Variants in HSD17B3 observed in about 807,000 individuals in gnomAD.
HSD17B3 encodes hydroxysteroid 17-beta dehydrogenase 3.
Under a neutral mutation model 41.1 loss-of-function variants are expected in HSD17B3, and 29 were observed. That is an observed-to-expected ratio of 0.71 (90% confidence interval 0.53 to 0.96). HSD17B3 has a LOEUF of 0.96. HSD17B3 is among the 40% of genes least tolerant of loss of function. The pLI is 0.00. For missense variants in HSD17B3, 323 were observed against 374.6 expected (o/e 0.86, Z 1.14); for synonymous variants, 126 against 145.6 (o/e 0.87, Z 0.97).
In HSD17B3 at chr9:96,252,928, GT is replaced by G. The variant is rs1386576741; in HGVS notation, c.278-19del. On this transcript the variant is annotated intron_variant, in intron 3 of 10. Transcript: ENST00000375263. ...AGTCCGCTCTACACGAGAGACAACA[GT>G]TTTTTTAATGAACAGGGATCCAAAT... is the stretch of plus-strand genomic sequence containing the variant. The G allele has an allele frequency of 3.3e-6, 5 of 1,516,578 alleles. No individual in the cohort carries two copies. Among genetic ancestry groups the G allele is most frequent in the African/African-American group, 1.4e-5 (1 of 72,922 alleles). The allele number at this position is 1,516,578 out of a possible 1,614,324, so 93.9% of individuals were successfully genotyped here.
intron 2 of HSD17B3, among the ~76,000 whole-genome samples, chr9:96,281,854 A>C (rs1414835604): frequency 6.6e-6 from 1 of 151,996 alleles, no homozygotes; most frequent in African/African-American, 2.4e-5. Flanking sequence ...CGCCTCCCCC[A>C]CCCTGCCTCA....
chr9:96,298,568 C>A, intron 1 of HSD17B3, 106 bp from the exon 2 acceptor site: 1 of 911,470 alleles, frequency 1.1e-6, no homozygotes, highest in South Asian at 1.3e-5. Flanking sequence ...AGTCAGTACT[C>A]CAAAGGTTCA....
chr9:96,284,939 A>T (rs1826856280), intron 2 of HSD17B3, among the ~76,000 whole-genome samples: 3 of 151,898 alleles, frequency 2.0e-5, no homozygotes, highest in Admixed American at 2.0e-4. Context: ...CCTCAGTTCA[A>T]GCAATTTTCC....
chr9:96,236,386 G>A (rs916197825), intron 10 of HSD17B3, among the ~76,000 whole-genome samples: 3 of 151,694 alleles, frequency 2.0e-5, no homozygotes, highest in Non-Finnish European at 2.9e-5. Context: ...ACATGGTGGC[G>A]CATGCCTGTA....
intron 5 of HSD17B3, 128 bp from the exon 6 acceptor site, chr9:96,249,914 C>A: frequency 2.5e-6 from 4 of 1,571,990 alleles, no homozygotes; most frequent in Admixed American, 1.8e-5. Flanking sequence ...ACTCACCCTG[C>A]AAATTAGGCT....
intron 2 of HSD17B3, among the ~76,000 whole-genome samples, chr9:96,270,199 ATC>A (rs1210772359): frequency 1.3e-5 from 2 of 151,914 alleles, no homozygotes; most frequent in African/African-American, 4.8e-5. Context: ...TTGTAACCAT[ATC>A]TATGCATTAC....
chr9:96,242,824 T>C (rs1230323396), intron 9 of HSD17B3, among the ~76,000 whole-genome samples: 1 of 152,332 alleles, frequency 6.6e-6, no homozygotes, highest in Non-Finnish European at 1.5e-5. Context: ...AGCAGGTGGC[T>C]GCGATGATCA....
intron 2 of HSD17B3, among the ~76,000 whole-genome samples, chr9:96,285,069 T>A (rs1826865062): frequency 6.6e-6 from 1 of 151,958 alleles, no homozygotes; most frequent in Admixed American, 6.6e-5. Context: ...GAGCTCCTCA[T>A]CTCAAGTGAT....
At position 96,290,456 on chromosome 9, in the gene HSD17B3, C is replaced by CCTTTTTT. The variant is rs747479797; in HGVS notation, c.201+7959_201+7960insAAAAAAG. Among the ~76,000 whole-genome samples the CCTTTTTT allele has an allele frequency of 8.9e-5, 7 of 78,418 alleles. 2 individuals carry two copies. 51.4% of individuals were successfully genotyped at this position (78,418 alleles called of 152,430 possible). A position where few individuals can be genotyped will look rare whatever the true frequency, so the allele number is the denominator to read the frequency against. ...GAAGGGCACTGTGGTATTTCCTGGG[C>CCTTTTTT]TTTTTTTTTTTTTTTTTTTTTTTCC... On this transcript the variant is annotated intron_variant, in intron 2 of 10. Coordinates refer to ENST00000375263, the MANE Select transcript of HSD17B3 (RefSeq NM_000197.2).
intron 5 of HSD17B3, chr9:96,251,106 G>T: frequency 2.6e-6 from 1 of 377,552 alleles, no homozygotes; most frequent in Non-Finnish European, 4.9e-6. Flanking sequence ...TCACAGCTGC[G>T]AATGTGTTAG....
intron 2 of HSD17B3, among the ~76,000 whole-genome samples, chr9:96,264,619 C>T (rs758020893): frequency 2.0e-5 from 3 of 152,118 alleles, no homozygotes; most frequent in Admixed American, 6.5e-5. Context: ...GTGATCAACC[C>T]GCCTCAGCCT....
chr9:96,240,960 G>C (rs896745059), intron 9 of HSD17B3, 53 bp from the exon 10 acceptor site: 3 of 1,608,472 alleles, frequency 1.9e-6, no homozygotes, highest in African/African-American at 2.7e-5. Context: ...CCAGGAAGAA[G>C]ACTCAGAAAT....
chr9:96,251,654 T>C (rs1057149962), intron 4 of HSD17B3, among the ~76,000 whole-genome samples, 169 bp from the exon 5 acceptor site: 1 of 152,214 alleles, frequency 6.6e-6, no homozygotes, highest in African/African-American at 2.4e-5. Context: ...ACACCTTCAA[T>C]GAATCATGGG....
chr9:96,277,944 A>G (rs1431611124), intron 2 of HSD17B3, among the ~76,000 whole-genome samples: 1 of 152,200 alleles, frequency 6.6e-6, no homozygotes, highest in Admixed American at 6.5e-5. Context: ...AATGTTGGAC[A>G]TGGATAAATG....
chr9:96,272,894 A>C (rs1826319540), intron 2 of HSD17B3, among the ~76,000 whole-genome samples: 1 of 152,122 alleles, frequency 6.6e-6, no homozygotes, highest in African/African-American at 2.4e-5. Flanking sequence ...GAAGGAAAAA[A>C]CTACTGATAT....
intron 2 of HSD17B3, among the ~76,000 whole-genome samples, chr9:96,295,366 C>T (rs1204918131): frequency 6.6e-6 from 1 of 151,138 alleles, no homozygotes; most frequent in Non-Finnish European, 1.5e-5. Flanking sequence ...CGAAGTCTCA[C>T]TCTTGTCCCC....
In HSD17B3 at chr9:96,255,367, C is replaced by CTTTTTTTTTTTTTTTTTTTTTTTTTT. The variant is rs869145717; in HGVS notation, c.202-450_202-425dup. 1.5e-4 allele frequency among the ~76,000 whole-genome samples: 8 copies of CTTTTTTTTTTTTTTTTTTTTTTTTTT among 54,566 alleles called. 3 individuals are homozygous for CTTTTTTTTTTTTTTTTTTTTTTTTTT. The highest frequency in any genetic ancestry group is 2.7e-4 in the Non-Finnish European group (8 of 29,474). 35.8% of individuals were successfully genotyped at this position (54,566 alleles called of 152,430 possible). On this transcript the variant is annotated intron_variant, in intron 2 of 10. Coordinates refer to ENST00000375263, the MANE Select transcript of HSD17B3 (RefSeq NM_000197.2). ...AAGCAGTGTTTCTGCCCCAACATTT[C>CTTTTTTTTTTTTTTTTTTTTTTTTTT]TTTTTTTTTTTTTTTTTTTTTTTTT...
chr9:96,296,550 T>G (rs1215707759), intron 2 of HSD17B3, among the ~76,000 whole-genome samples: 1 of 152,100 alleles, frequency 6.6e-6, no homozygotes, highest in African/African-American at 2.4e-5. Context: ...CTTACATATA[T>G]TCACAACCTC....
At chr9:96,244,508 G>A (rs756857334) in intron 8 of HSD17B3, 114 bp from the exon 9 acceptor site, 26 of 953,332 alleles carry the variant, frequency 2.7e-5, no homozygotes, top group Non-Finnish European at 4.5e-5. Context: ...CCTTAAAATA[G>A]AGTGGGGAGC....
Sources: gnomAD v4.1 joint callset for allele counts (sites outside exome capture counted in the v4.1 genomes callset) on GRCh38, gnomAD v4.1.1 for gene constraint, MANE v1.5 for transcripts, NCBI Gene and HGNC (gene_info 2026-07-23, HGNC 2026-07-21) for gene names.